Variants in ESR1 observed in about 807,000 individuals in gnomAD.
The protein encoded by ESR1 is estrogen receptor.
In ESR1, 12 loss-of-function variants were observed where a neutral mutation model predicts 52.7. The observed-to-expected ratio is 0.23, with a 90% CI of 0.15 to 0.37. The LOEUF is 0.37. Among genes scored for constraint, ESR1 ranks in the 10% least tolerant of loss-of-function variants. The pLI is 1.00. For missense variants in ESR1, 584 were observed against 779.7 expected (o/e 0.75, Z 2.99); for synonymous variants, 305 against 316.8 (o/e 0.96, Z 0.39).
chr6:151,811,490 A>G (rs1168611868), intron 1 of ESR1, among the ~76,000 whole-genome samples: 7 of 152,204 alleles, frequency 4.6e-5, no homozygotes, highest in South Asian at 2.1e-4. Flanking sequence ...CACTTCTCCA[A>G]AAAACTTGGC....
chr6:151,723,850 A>C (rs920050353), intron 2 of ESR1, among the ~76,000 whole-genome samples: 9 of 152,176 alleles, frequency 5.9e-5, no homozygotes, highest in Admixed American at 3.9e-4. Context: ...AGCCTGGGTG[A>C]CAGAGCAAGA....
chr6:151,808,048 A>G lies in ESR1; in HGVS notation c.136A>G (p.Ser46Gly). 1 of 1,613,680 alleles carries G rather than the reference A, an allele frequency of 6.2e-7. No individual in the cohort carries two copies. ...GCCCCTGGGCGAGGTGTACCTGGAC[A>G]GCAGCAAGCCCGCCGTGTACAACTA... Reference protein sequence around the residue: ...ERPLGEVYLDSSKPAVYNYPE... With the variant: ...ERPLGEVYLDGSKPAVYNYPE... Residue 46 changes from serine to glycine, a missense_variant, in exon 1 of 8, where the codon AGC (serine) becomes GGC (glycine). Ser to Gly is a moderately conservative substitution (Grantham distance 56). This residue lies in a region of ESR1 where 251 missense variants were observed against 246.1 expected (regional missense o/e 1.02). Coordinates refer to ENST00000206249, the MANE Select transcript of ESR1 (RefSeq NM_000125.4).
intron 2 of ESR1, among the ~76,000 whole-genome samples, chr6:151,738,187 C>T (rs1782813667): frequency 6.6e-6 from 1 of 152,182 alleles, no homozygotes; most frequent in Admixed American, 6.5e-5. Flanking sequence ...GCAATCAAAT[C>T]TATCAATCAT....
chr6:151,876,780 A>G (rs1330284586), intron 2 of ESR1, among the ~76,000 whole-genome samples: 1 of 152,156 alleles, frequency 6.6e-6, no homozygotes, highest in East Asian at 1.9e-4. Flanking sequence ...GTCAAACCTT[A>G]GATTCCTCCA....
intron 5 of ESR1, among the ~76,000 whole-genome samples, chr6:152,016,142 C>A (rs1269158790): frequency 6.6e-6 from 1 of 152,148 alleles, no homozygotes; most frequent in East Asian, 1.9e-4. Context: ...CTCTTGCCTG[C>A]TGCCATGTAA....
chr6:151,972,183 T>C (rs1167589694), intron 4 of ESR1, among the ~76,000 whole-genome samples: 1 of 151,966 alleles, frequency 6.6e-6, no homozygotes, highest in East Asian at 1.9e-4. Context: ...ACAAAAAAAG[T>C]CCAGGACCAC....
intron 2 of ESR1, among the ~76,000 whole-genome samples, chr6:151,869,818 T>C (rs376064389): frequency 6.6e-6 from 1 of 152,332 alleles, no homozygotes; most frequent in South Asian, 2.1e-4. Flanking sequence ...TCCTTTTAAA[T>C]AATAAAAGTA....
At chr6:152,019,555 T>C (rs1248398360) in intron 5 of ESR1, among the ~76,000 whole-genome samples, 1 of 152,218 alleles carries the variant, frequency 6.6e-6, no homozygotes. Context: ...ACCAAAGTAT[T>C]AATGCTGTGT....
intron 4 of ESR1, among the ~76,000 whole-genome samples, chr6:152,001,781 G>T (rs2041966299): frequency 6.6e-6 from 1 of 151,996 alleles, no homozygotes; most frequent in African/African-American, 2.4e-5. Context: ...TTCTTTGGTT[G>T]GTTGCTCTCT....
chr6:152,032,673 T>C (rs1178712885), intron 5 of ESR1, among the ~76,000 whole-genome samples: 4 of 152,130 alleles, frequency 2.6e-5, no homozygotes, highest in Admixed American at 2.6e-4. Context: ...ATTCCATGCT[T>C]ATGGGTAGGA....
At chr6:151,834,348 C>G (rs1782932662) in intron 1 of ESR1, among the ~76,000 whole-genome samples, 1 of 152,150 alleles carries the variant, frequency 6.6e-6, no homozygotes, top group Non-Finnish European at 1.5e-5. Flanking sequence ...CACATATACA[C>G]CATGGAATAC....
chr6:152,060,944 T>G (rs1024634575), intron 5 of ESR1, 47 bp from the exon 6 acceptor site: 1 of 1,469,068 alleles, frequency 6.8e-7, no homozygotes, highest in Non-Finnish European at 9.3e-7. Flanking sequence ...GATTTTCTGT[T>G]TTTTAATCTT....
chr6:151,951,870 G>A (rs987679444), intron 4 of ESR1, among the ~76,000 whole-genome samples: 1 of 152,136 alleles, frequency 6.6e-6, no homozygotes, highest in Non-Finnish European at 1.5e-5. Context: ...TCTGCCAGGG[G>A]CTCCACCCTT....
At chr6:152,095,932 C>T (rs2050575004) in intron 7 of ESR1, among the ~76,000 whole-genome samples, 1 of 152,186 alleles carries the variant, frequency 6.6e-6, no homozygotes, top group Non-Finnish European at 1.5e-5. Flanking sequence ...GGAAGGACAT[C>T]AGCAGACAAA....
At chr6:151,661,162 A>G (rs1334601350) in intron 1 of ESR1, among the ~76,000 whole-genome samples, 1 of 152,244 alleles carries the variant, frequency 6.6e-6, no homozygotes, top group East Asian at 1.9e-4. Context: ...AATTCTTACA[A>G]TTTTGTATTT....
chr6:151,939,784 T>A (rs1006663368), intron 3 of ESR1, among the ~76,000 whole-genome samples: 6 of 152,156 alleles, frequency 3.9e-5, no homozygotes, highest in Non-Finnish European at 8.8e-5. Flanking sequence ...TTATTGTTTT[T>A]TTGTTTTGTT....
chr6:151,952,940 A>G (rs773582326), intron 4 of ESR1, among the ~76,000 whole-genome samples: 1 of 152,264 alleles, frequency 6.6e-6, no homozygotes, highest in Non-Finnish European at 1.5e-5. Context: ...TTTCATTTAA[A>G]TAAAACCTAT....
intron 2 of ESR1, among the ~76,000 whole-genome samples, chr6:151,787,758 G>T (rs1787160950): frequency 6.6e-6 from 1 of 152,086 alleles, no homozygotes; most frequent in African/African-American, 2.4e-5. Context: ...AACACTATGG[G>T]GTTTTCTAAA....
downstream of ESR1, among the ~76,000 whole-genome samples, chr6:152,104,083 G>C (rs144205401): frequency 4.1e-3 from 600 of 147,370 alleles, 5 homozygotes; most frequent in African/African-American, 0.015. Flanking sequence ...TGCCTGGAAG[G>C]GTTCTTTTAT....
Sources: gnomAD v4.1 joint callset for allele counts (sites outside exome capture counted in the v4.1 genomes callset) on GRCh38, gnomAD v4.1.1 for gene constraint, gnomAD v4.1.1 regional missense constraint, MANE v1.5 for transcripts, NCBI Gene and HGNC (gene_info 2026-07-23, HGNC 2026-07-21) for gene names.